The following KIF13A variants were observed in gnomAD, a reference collection of about 807,000 sequenced individuals.
KIF13A encodes kinesin family member 13A.
Under a neutral mutation model 212.2 loss-of-function variants are expected in KIF13A, and 79 were observed. The observed-to-expected ratio is 0.37, with a 90% CI of 0.31 to 0.45. The LOEUF is 0.45. Ranked by LOEUF, KIF13A falls within the 20% of genes least tolerant of loss-of-function variation. KIF13A has a pLI of 1.00. For missense variants in KIF13A, 1,901 were observed against 2,209.0 expected (o/e 0.86, Z 2.79); for synonymous variants, 789 against 808.6 (o/e 0.98, Z 0.41).
intron 22 of KIF13A, among the ~76,000 whole-genome samples, chr6:17,798,030 G>T (rs1452966214): frequency 6.6e-6 from 1 of 152,176 alleles, no homozygotes; most frequent in East Asian, 1.9e-4. Flanking sequence ...TAGTCTTTAG[G>T]TGGAATCTCA....
intron 2 of KIF13A, among the ~76,000 whole-genome samples, chr6:17,962,434 A>G (rs751474329): frequency 6.6e-6 from 1 of 152,212 alleles, no homozygotes; most frequent in Non-Finnish European, 1.5e-5. Context: ...GGAGACCGTT[A>G]AAAAAGCAGA....
intron 2 of KIF13A, among the ~76,000 whole-genome samples, chr6:17,922,165 G>A (rs1365340687): frequency 6.6e-6 from 1 of 152,118 alleles, no homozygotes; most frequent in African/African-American, 2.4e-5. Context: ...CCAGACCCAG[G>A]AGACTCAGGT....
intron 12 of KIF13A, among the ~76,000 whole-genome samples, chr6:17,832,873 G>T (rs914513587): frequency 2.0e-5 from 3 of 151,138 alleles, no homozygotes; most frequent in Admixed American, 6.6e-5. Flanking sequence ...AATTAGCCAG[G>T]AGTGGTGGCG....
chr6:17,813,600 A>T (rs533933087), intron 17 of KIF13A, among the ~76,000 whole-genome samples: 2 of 152,292 alleles, frequency 1.3e-5, no homozygotes, highest in East Asian at 3.9e-4. Flanking sequence ...TCTTCATTTA[A>T]CATTAACAAG....
At chr6:17,891,835 C>G (rs1222158875) in intron 3 of KIF13A, among the ~76,000 whole-genome samples, 1 of 152,166 alleles carries the variant, frequency 6.6e-6, no homozygotes, top group Non-Finnish European at 1.5e-5. Flanking sequence ...ACCAACAGCA[C>G]CATTCATGAA....
rs1345049065 is a variant in KIF13A, at chr6:17,777,257, C to G, written c.4170+20G>C. 5 of 1,595,964 alleles carry G rather than the reference C, an allele frequency of 3.1e-6. No homozygotes were observed. The highest frequency in any genetic ancestry group is 4.3e-6 in the Non-Finnish European group (5 of 1,167,074). Reference sequence around the variant, plus strand: ...TGCGACATGTCACATAGGAGCAGATCCTTGGCAGGATGCACTTACATTATG... The same window carrying G: ...TGCGACATGTCACATAGGAGCAGATGCTTGGCAGGATGCACTTACATTATG... On this transcript the variant is annotated intron_variant, in intron 34 of 38. Transcript: ENST00000259711. The surrounding 1 kb of genome is among the most constrained non-coding windows in gnomAD (Gnocchi z 4.4).
At chr6:17,977,254 T>C (rs1274909485) in intron 2 of KIF13A, among the ~76,000 whole-genome samples, 9 of 152,176 alleles carry the variant, frequency 5.9e-5, no homozygotes, top group Non-Finnish European at 1.3e-4. Context: ...TTGTTACTAC[T>C]GCCCATACAA....
chr6:17,911,843 C>T (rs1189065795), intron 2 of KIF13A, among the ~76,000 whole-genome samples: 3 of 151,090 alleles, frequency 2.0e-5, no homozygotes, highest in Non-Finnish European at 4.4e-5. Context: ...TGACTCACTG[C>T]AACCTCCACC....
chr6:17,920,067 G>A (rs1043214957), intron 2 of KIF13A, among the ~76,000 whole-genome samples: 2 of 152,158 alleles, frequency 1.3e-5, no homozygotes, highest in African/African-American at 4.8e-5. Context: ...TTCTGTTTTA[G>A]TGTTTTGACC....
chr6:17,798,181 A>T (rs1029012473), intron 22 of KIF13A, among the ~76,000 whole-genome samples: 5 of 152,190 alleles, frequency 3.3e-5, no homozygotes, highest in African/African-American at 1.2e-4. Context: ...ATGACAATCT[A>T]TACATTTTAG....
At chr6:17,923,156 C>T (rs555226215) in intron 2 of KIF13A, among the ~76,000 whole-genome samples, 1 of 151,892 alleles carries the variant, frequency 6.6e-6, no homozygotes, top group East Asian at 2.0e-4. Flanking sequence ...TGCCTGTATT[C>T]CCAGTTACTC....
chr6:17,909,834 G>A (rs894021956), intron 2 of KIF13A, among the ~76,000 whole-genome samples: 9 of 152,072 alleles, frequency 5.9e-5, no homozygotes, highest in African/African-American at 9.7e-5. Context: ...GCAGTAAGCC[G>A]AGATTGCACG....
At position 17,828,186 on chromosome 6, in the gene KIF13A, C is replaced by T; in HGVS notation, c.1532+54G>A. The T allele has an allele frequency of 6.4e-7, 1 of 1,561,800 alleles. No homozygotes were observed. Among genetic ancestry groups the T allele is most frequent in the East Asian group, 2.3e-5 (1 of 43,608 alleles). On this transcript the variant is annotated intron_variant, in intron 14 of 38. Transcript: ENST00000259711. The surrounding 1 kb of genome is among the most constrained non-coding windows in gnomAD (Gnocchi z 4.3). ...AGCAAACAGAAAGAGGCAGCCTTCT[C>T]CTTCTGAAAATAAGGCACACAAGAC...
At chr6:17,906,015 A>G (rs1465623043) in intron 2 of KIF13A, among the ~76,000 whole-genome samples, 1 of 152,236 alleles carries the variant, frequency 6.6e-6, no homozygotes, top group Non-Finnish European at 1.5e-5. Context: ...TATAAAAAGT[A>G]GAAGGGGTTA....
chr6:17,864,466 A>G (rs1351496238), intron 4 of KIF13A, among the ~76,000 whole-genome samples: 1 of 152,038 alleles, frequency 6.6e-6, no homozygotes, highest in African/African-American at 2.4e-5. Context: ...GAGTCACCCA[A>G]CCCTGAGTCA....
chr6:17,915,770 T>C lies in KIF13A; in HGVS notation c.147-17590A>G, dbSNP rs77192349. 1.2e-3 allele frequency among the ~76,000 whole-genome samples: 178 copies of C among 152,106 alleles called. 2 individuals carry two copies. The highest frequency in any genetic ancestry group is 3.9e-3 in the African/African-American group (160 of 41,498). ...TGAGTCCAGGAGCTTGAGACCAGCC[T>C]GGGCAACATGACAAAACACCGTCTC... On this transcript the variant is annotated intron_variant, in intron 2 of 38. Coordinates refer to ENST00000259711, the MANE Select transcript of KIF13A (RefSeq NM_022113.6). This position sits in a 1 kb window ranked among gnomAD's most constrained non-coding sequence, Gnocchi z 4.4.
At chr6:17,796,422 T>TA (rs1448592238) in intron 23 of KIF13A, among the ~76,000 whole-genome samples, 1 of 151,688 alleles carries the variant, frequency 6.6e-6, no homozygotes. Context: ...TTTTTGTATT[T>TA]AGTAGAGATG....
At chr6:17,827,145 A>C (rs1765036454) in intron 14 of KIF13A, among the ~76,000 whole-genome samples, 1 of 151,994 alleles carries the variant, frequency 6.6e-6, no homozygotes, top group South Asian at 2.1e-4. Context: ...TCCAGGCTGG[A>C]GTGCAATGGA....
intron 2 of KIF13A, among the ~76,000 whole-genome samples, chr6:17,986,833 G>A (rs1319141837): frequency 6.6e-6 from 1 of 152,218 alleles, no homozygotes; most frequent in African/African-American, 2.4e-5. Context: ...GCTGACTGGT[G>A]CTGTGGCCAG....
Sources: allele counts gnomAD v4.1 joint callset (sites outside exome capture counted in the v4.1 genomes callset), GRCh38; gene constraint gnomAD v4.1.1; non-coding constraint Gnocchi (gnomAD v3.1); transcripts MANE v1.5; gene names NCBI Gene and HGNC (gene_info 2026-07-23, HGNC 2026-07-21).